WWOX: variants seen among roughly 807,000 people sequenced by gnomAD.
WWOX encodes WW domain-containing oxidoreductase.
Under a neutral mutation model 46.2 loss-of-function variants are expected in WWOX, and 69 were observed. That is an observed-to-expected ratio of 1.49 (90% confidence interval 1.23 to 1.82). The LOEUF (loss-of-function observed/expected upper bound fraction) is 1.82. Among genes scored for constraint, WWOX ranks in the 40% most tolerant of loss-of-function variants. The pLI, the probability that WWOX is intolerant of heterozygous loss-of-function variation, is 0.00. For synonymous variants in WWOX, 359 were observed against 202.6 expected (o/e 1.77, Z -6.56); for missense variants, 919 against 542.6 (o/e 1.69, Z -6.89).
chr16:78,690,605 G>C (rs1783026636), intron 8 of WWOX, among the ~76,000 whole-genome samples: 1 of 152,128 alleles, frequency 6.6e-6, no homozygotes, highest in Non-Finnish European at 1.5e-5. Context: ...GAAAGCATTT[G>C]GTGGAAATAG....
chr16:79,194,885 C>A (rs2150816377), intron 8 of WWOX, among the ~76,000 whole-genome samples: 1 of 152,154 alleles, frequency 6.6e-6, no homozygotes, highest in African/African-American at 2.4e-5. Context: ...ATGCTTTTTT[C>A]CCCCATGCCA....
At chr16:79,134,100 T>A (rs182248148) in intron 8 of WWOX, among the ~76,000 whole-genome samples, 401 of 152,212 alleles carry the variant, frequency 2.6e-3, no homozygotes, top group African/African-American at 7.2e-3. Context: ...TGTTTTTTTT[T>A]AAAAATATGC....
intron 8 of WWOX, among the ~76,000 whole-genome samples, chr16:78,913,398 C>G (rs1186058991): frequency 6.6e-6 from 1 of 151,786 alleles, no homozygotes; most frequent in Non-Finnish European, 1.5e-5. Context: ...AGACGTTGGC[C>G]CCTTCTCAAC....
intron 5 of WWOX, among the ~76,000 whole-genome samples, chr16:78,277,805 A>C (rs1309651859): frequency 1.3e-5 from 2 of 152,226 alleles, no homozygotes; most frequent in Non-Finnish European, 2.9e-5. Flanking sequence ...TGCAGGAAAA[A>C]GGATACATTT....
chr16:78,647,121 A>G (rs1017252096), intron 8 of WWOX, among the ~76,000 whole-genome samples: 2 of 152,126 alleles, frequency 1.3e-5, no homozygotes, highest in Non-Finnish European at 2.9e-5. Context: ...CCAGTGCCCC[A>G]ATCTGGAGTC....
chr16:79,174,203 C>T (rs1435547197), intron 8 of WWOX, among the ~76,000 whole-genome samples: 1 of 152,178 alleles, frequency 6.6e-6, no homozygotes, highest in East Asian at 1.9e-4. Flanking sequence ...TCCCTCAGCC[C>T]AGTTTTCAGT....
chr16:78,543,667 G>A (rs528324857), intron 8 of WWOX, among the ~76,000 whole-genome samples: 9 of 152,254 alleles, frequency 5.9e-5, no homozygotes, highest in Non-Finnish European at 1.3e-4. Flanking sequence ...TTGTAATGGA[G>A]GCATCAAGAC....
At chr16:78,378,652 C>T (rs1263910594) in intron 5 of WWOX, among the ~76,000 whole-genome samples, 1 of 152,164 alleles carries the variant, frequency 6.6e-6, no homozygotes, top group East Asian at 1.9e-4. Context: ...GTGACAGCTC[C>T]TATTTAAGGT....
intron 8 of WWOX, among the ~76,000 whole-genome samples, chr16:79,156,275 C>G (rs780779300): frequency 1.3e-5 from 2 of 152,176 alleles, no homozygotes; most frequent in Non-Finnish European, 2.9e-5. Flanking sequence ...AATCCTCCCA[C>G]GTCAACCTCC....
chr16:78,585,001 C>T (rs531258409), intron 8 of WWOX, among the ~76,000 whole-genome samples: 74 of 152,300 alleles, frequency 4.9e-4, no homozygotes, highest in Non-Finnish European at 9.6e-4. Flanking sequence ...GCAGAAAGGC[C>T]GAGATGACCG....
chr16:78,908,171 G>A (rs993798320), intron 8 of WWOX, among the ~76,000 whole-genome samples: 1 of 152,178 alleles, frequency 6.6e-6, no homozygotes, highest in African/African-American at 2.4e-5. Flanking sequence ...AAGAGCCAGT[G>A]TAATTGCCCA....
At chr16:78,577,671 A>G (rs993911684) in intron 8 of WWOX, among the ~76,000 whole-genome samples, 7 of 152,200 alleles carry the variant, frequency 4.6e-5, no homozygotes, top group African/African-American at 1.7e-4. Context: ...ACCTTCTCAA[A>G]GACCTTCTGG....
At chr16:79,199,490 C>G (rs886823487) in intron 8 of WWOX, among the ~76,000 whole-genome samples, 9 of 152,172 alleles carry the variant, frequency 5.9e-5, no homozygotes, top group African/African-American at 2.2e-4. Flanking sequence ...CCAGGTGGCA[C>G]AAAATCAAAA....
chr16:78,920,487 A>G (rs1052865438), intron 8 of WWOX, among the ~76,000 whole-genome samples: 1 of 152,172 alleles, frequency 6.6e-6, no homozygotes, highest in Non-Finnish European at 1.5e-5. Flanking sequence ...GACTGGAGGA[A>G]CTGCTGCCTG....
At chr16:78,675,911 A>C (rs911322184) in intron 8 of WWOX, among the ~76,000 whole-genome samples, 5 of 152,172 alleles carry the variant, frequency 3.3e-5, no homozygotes, top group African/African-American at 4.8e-5. Flanking sequence ...AAATGTAAGA[A>C]GTCATAAAGA....
At chr16:78,210,174 G>C (rs1218822956) in intron 5 of WWOX, among the ~76,000 whole-genome samples, 2 of 152,136 alleles carry the variant, frequency 1.3e-5, no homozygotes, top group African/African-American at 2.4e-5. Flanking sequence ...ATAAAGACTT[G>C]CTTCAATATT....
At chr16:79,186,459 C>T in intron 8 of WWOX, among the ~76,000 whole-genome samples, 1 of 152,184 alleles carries the variant, frequency 6.6e-6, no homozygotes, top group East Asian at 1.9e-4. Flanking sequence ...ACGGCCTTCT[C>T]CCTGTGTGTT....
chr16:79,003,338 G>C (rs139783778), intron 8 of WWOX, among the ~76,000 whole-genome samples: 352 of 152,278 alleles, frequency 2.3e-3, no homozygotes, highest in African/African-American at 8.1e-3. Context: ...AACATTTGCT[G>C]AGATCCTGCT....
At chr16:78,944,844 C>A (rs957588003) in intron 8 of WWOX, among the ~76,000 whole-genome samples, 3 of 152,082 alleles carry the variant, frequency 2.0e-5, no homozygotes, top group African/African-American at 7.2e-5. Context: ...CCTGGTAATT[C>A]ACCTGGGTCC....
Sources: gnomAD v4.1 joint callset for allele counts (sites outside exome capture counted in the v4.1 genomes callset) on GRCh38, gnomAD v4.1.1 for gene constraint, MANE v1.5 for transcripts, NCBI Gene and HGNC (gene_info 2026-07-23, HGNC 2026-07-21) for gene names.